Variants in OSBP2 observed in about 807,000 individuals in gnomAD.
The protein encoded by OSBP2 is oxysterol-binding protein 2.
OSBP2 carries 66 observed loss-of-function variants against 96.0 expected under a neutral mutation model. The ratio of observed to expected loss-of-function variants is 0.69; its 90% confidence interval spans 0.56 to 0.84. OSBP2 has a LOEUF of 0.84. Among genes scored for constraint, OSBP2 ranks in the 40% least tolerant of loss-of-function variants. OSBP2 has a pLI of 0.00. For missense variants in OSBP2, 1,038 were observed against 1,222.7 expected (o/e 0.85, Z 2.25); for synonymous variants, 525 against 520.9 (o/e 1.01, Z -0.11).
At position 30,890,955 on chromosome 22, in the gene OSBP2, G is replaced by C; in HGVS notation, c.1851G>C (p.Leu617=). The change falls in exon 8 of 14, where the codon CTG becomes CTC. Residue 617 remains leucine, a synonymous_variant. Coordinates refer to ENST00000332585, the MANE Select transcript of OSBP2 (RefSeq NM_030758.4). The surrounding 1 kb of genome is among the most constrained non-coding windows in gnomAD (Gnocchi z 4.4). ...TGGACCGCCTCGACGACATGGGCCT[G>C]CGCTCCCTCTGTGAGCAGGTGAGGG... ...FELDRLDDMG[L]RSLCEQVSHH... 2 of 1,609,076 alleles carry C rather than the reference G, an allele frequency of 1.2e-6. No individual in the cohort carries two copies. The highest frequency in any genetic ancestry group is 1.7e-6 in the Non-Finnish European group (2 of 1,179,982).
intron 2 of OSBP2, chr22:30,803,045 C>G (rs1266008494): frequency 1.7e-5 from 3 of 173,096 alleles, no homozygotes; most frequent in Non-Finnish European, 3.7e-5. Flanking sequence ...CGGTGGCAGC[C>G]GGCACTGCAC....
At chr22:30,742,170 T>C (rs1446133871) in intron 2 of OSBP2, among the ~76,000 whole-genome samples, 1 of 150,308 alleles carries the variant, frequency 6.7e-6, no homozygotes, top group Non-Finnish European at 1.5e-5. Flanking sequence ...TGGTGGCACA[T>C]GCCTGTAATC....
At chr22:30,837,641 T>C (rs896635394) in intron 2 of OSBP2, among the ~76,000 whole-genome samples, 5 of 152,194 alleles carry the variant, frequency 3.3e-5, no homozygotes, top group African/African-American at 1.2e-4. Context: ...TCCCTGAGCA[T>C]GTGTGGCTCT....
At chr22:30,854,122 C>T (rs1033316756) in intron 2 of OSBP2, among the ~76,000 whole-genome samples, 2 of 151,996 alleles carry the variant, frequency 1.3e-5, no homozygotes, top group Non-Finnish European at 2.9e-5. Flanking sequence ...TTACGGCAGT[C>T]TCCTTCCAAA....
intron 1 of OSBP2, among the ~76,000 whole-genome samples, chr22:30,722,390 C>T (rs915305383): frequency 5.3e-5 from 8 of 152,214 alleles, no homozygotes; most frequent in African/African-American, 1.9e-4. Flanking sequence ...CAAGGGTCCA[C>T]ACTCAGTCAA....
Position 30,907,494 on chromosome 22 carries a change from T to C in OSBP2, c.*1155T>C, listed in dbSNP as rs1458283553. ...CCCTTCCAGCGGCTTCTGCCAACCA[T>C]GGGGGGCTGGACCACCATGGCCACT... is the stretch of plus-strand genomic sequence containing the variant. On this transcript the variant is annotated 3_prime_UTR_variant, in exon 14 of 14. Coordinates refer to ENST00000332585, the MANE Select transcript of OSBP2 (RefSeq NM_030758.4). 2.0e-5 allele frequency: 3 copies of C among 152,334 alleles called. No homozygotes were observed. In the East Asian group the frequency reaches 5.8e-4, roughly 29 times the overall value. 9.4% of individuals were successfully genotyped at this position (152,334 alleles called of 1,614,324 possible).
intron 2 of OSBP2, among the ~76,000 whole-genome samples, chr22:30,796,695 AG>A (rs1054060953): frequency 6.6e-6 from 1 of 151,844 alleles, no homozygotes; most frequent in East Asian, 1.9e-4. Flanking sequence ...TAGTAGAGAC[AG>A]GGGGGTTCAC....
chr22:30,834,449 A>G (rs1331638879), intron 2 of OSBP2, among the ~76,000 whole-genome samples: 1 of 152,252 alleles, frequency 6.6e-6, no homozygotes, highest in Non-Finnish European at 1.5e-5. Context: ...ATTTTACATT[A>G]TCACAAGGAA....
chr22:30,886,154 GC>G (rs1348864472), intron 3 of OSBP2, among the ~76,000 whole-genome samples: 5 of 152,314 alleles, frequency 3.3e-5, no homozygotes, highest in Non-Finnish European at 5.9e-5. Context: ...GGTGGTTGGG[GC>G]GCAGCTTGGT....
intron 2 of OSBP2, among the ~76,000 whole-genome samples, chr22:30,824,660 G>GTT (rs2038360019): frequency 6.6e-6 from 1 of 152,164 alleles, no homozygotes; most frequent in African/African-American, 2.4e-5. Flanking sequence ...CTGGCCTCCT[G>GTT]TTTTATACAC....
At chr22:30,898,862 TTAATAATAA>T (rs35162134) in intron 12 of OSBP2, among the ~76,000 whole-genome samples, 4,903 of 146,590 alleles carry the variant, frequency 0.033, 124 homozygotes, top group Non-Finnish European at 0.05. Flanking sequence ...CATCTTTATA[TTAATAATAA>T]TAATAATAAT....
intron 1 of OSBP2, among the ~76,000 whole-genome samples, chr22:30,709,829 G>A (rs191003402): frequency 2.4e-4 from 36 of 151,582 alleles, no homozygotes; most frequent in African/African-American, 8.0e-4. Context: ...AGGCCACCTC[G>A]CCCAGCCCAG....
chr22:30,825,983 C>T (rs573306934), intron 2 of OSBP2, among the ~76,000 whole-genome samples: 2 of 152,158 alleles, frequency 1.3e-5, no homozygotes, highest in East Asian at 3.9e-4. Flanking sequence ...CCAGGTCAGG[C>T]GGTTAGGTTC....
At chr22:30,856,747 C>T (rs576082814) in intron 2 of OSBP2, among the ~76,000 whole-genome samples, 114 of 151,816 alleles carry the variant, frequency 7.5e-4, no homozygotes, top group African/African-American at 2.5e-3. Flanking sequence ...AATACCATCA[C>T]ATCTTGGAAT....
chr22:30,852,643 T>G (rs1349335776), intron 2 of OSBP2, among the ~76,000 whole-genome samples: 1 of 152,124 alleles, frequency 6.6e-6, no homozygotes, highest in Non-Finnish European at 1.5e-5. Flanking sequence ...TGTTTATTTC[T>G]GCTTTTATCT....
intron 2 of OSBP2, among the ~76,000 whole-genome samples, chr22:30,825,746 T>C (rs931714539): frequency 6.6e-6 from 1 of 152,230 alleles, no homozygotes; most frequent in Non-Finnish European, 1.5e-5. Context: ...CAGAGTCTGG[T>C]GGCCTTGGGC....
At chr22:30,753,095 A>G (rs776644786) in intron 2 of OSBP2, among the ~76,000 whole-genome samples, 48 of 152,128 alleles carry the variant, frequency 3.2e-4, no homozygotes, top group South Asian at 2.5e-3. Context: ...ATTTTTTTTC[A>G]GTTTACAGCC....
chr22:30,770,926 T>C (rs1259922179), intron 2 of OSBP2, among the ~76,000 whole-genome samples: 1 of 152,236 alleles, frequency 6.6e-6, no homozygotes, highest in Non-Finnish European at 1.5e-5. Flanking sequence ...CGATCCAGCA[T>C]GGTCATTGCG....
chr22:30,776,300 T>C (rs2090435466), intron 2 of OSBP2, among the ~76,000 whole-genome samples: 1 of 151,826 alleles, frequency 6.6e-6, no homozygotes, highest in Admixed American at 6.6e-5. Flanking sequence ...TAATTTTTTA[T>C]TTTTAGTGGA....
Sources: gnomAD v4.1 joint callset for allele counts (sites outside exome capture counted in the v4.1 genomes callset) on GRCh38, gnomAD v4.1.1 for gene constraint, Gnocchi (gnomAD v3.1) non-coding constraint, MANE v1.5 for transcripts, NCBI Gene and HGNC (gene_info 2026-07-23, HGNC 2026-07-21) for gene names.